THSD4: variants seen among roughly 807,000 people sequenced by gnomAD.
THSD4 encodes thrombospondin type 1 domain containing 4, also known as thrombospondin type-1 domain-containing protein 4.
THSD4 carries 69 observed loss-of-function variants against 119.0 expected under a neutral mutation model. That is an observed-to-expected ratio of 0.58 (90% confidence interval 0.48 to 0.71). The LOEUF (loss-of-function observed/expected upper bound fraction) is 0.71, where lower values mean the gene tolerates loss of function less well. Among genes scored for constraint, THSD4 ranks in the 30% least tolerant of loss-of-function variants. The probability of loss-of-function intolerance (pLI) is 0.00; values close to 1 mark genes in which losing one functional copy is unlikely to be tolerated. For synonymous variants in THSD4, 524 were observed against 540.4 expected (o/e 0.97, Z 0.42); for missense variants, 1,393 against 1,391.1 (o/e 1.00, Z -0.02).
intron 7 of THSD4, among the ~76,000 whole-genome samples, chr15:71,549,187 T>C (rs567045431): frequency 6.6e-6 from 1 of 152,236 alleles, no homozygotes; most frequent in African/African-American, 2.4e-5. Flanking sequence ...TTTTGTCTTA[T>C]GAGTTAAAAG....
At chr15:71,226,650 C>T (rs1043109121) in intron 4 of THSD4, among the ~76,000 whole-genome samples, 6 of 152,270 alleles carry the variant, frequency 3.9e-5, no homozygotes, top group African/African-American at 7.2e-5. Flanking sequence ...TGGGCCTCTT[C>T]GTGATGCTGG....
intron 6 of THSD4, among the ~76,000 whole-genome samples, chr15:71,324,309 TA>T (rs1190716564): frequency 2.0e-5 from 3 of 152,120 alleles, no homozygotes; most frequent in East Asian, 1.9e-4. Context: ...TTTTTAAAAA[TA>T]TTTTTTTATT....
intron 3 of THSD4, among the ~76,000 whole-genome samples, chr15:71,196,596 A>T (rs2043721733): frequency 6.6e-6 from 1 of 152,142 alleles, no homozygotes; most frequent in African/African-American, 2.4e-5. Context: ...GTATCATAGG[A>T]GGAGGTGCTC....
intron 7 of THSD4, among the ~76,000 whole-genome samples, chr15:71,585,598 A>G (rs969382283): frequency 4.6e-5 from 7 of 152,192 alleles, no homozygotes. Context: ...CTTGGGCATC[A>G]TGGACCTGGA....
chr15:71,258,932 G>T (rs2044355451), intron 6 of THSD4, among the ~76,000 whole-genome samples: 1 of 151,960 alleles, frequency 6.6e-6, no homozygotes, highest in Admixed American at 6.6e-5. Context: ...TGACCAACAT[G>T]GAGAACCCCG....
At chr15:71,167,840 T>C (rs1015861445) in intron 3 of THSD4, among the ~76,000 whole-genome samples, 1 of 152,222 alleles carries the variant, frequency 6.6e-6, no homozygotes, top group Non-Finnish European at 1.5e-5. Flanking sequence ...CTTTAGCATA[T>C]GGAAGCATTT....
chr15:71,562,382 A>AG (rs138866717), intron 7 of THSD4, among the ~76,000 whole-genome samples: 12,298 of 152,176 alleles, frequency 0.081, 1,688 homozygotes, highest in African/African-American at 0.28. Flanking sequence ...GGTGGTAGGA[A>AG]GGGAAGGGAA....
intron 6 of THSD4, among the ~76,000 whole-genome samples, chr15:71,370,522 T>C (rs1206926151): frequency 6.6e-6 from 1 of 152,178 alleles, no homozygotes; most frequent in Non-Finnish European, 1.5e-5. Flanking sequence ...TTTATTTCTG[T>C]CTTCATTTCA....
At chr15:71,449,212 T>C (rs541764726) in intron 7 of THSD4, among the ~76,000 whole-genome samples, 5 of 152,242 alleles carry the variant, frequency 3.3e-5, no homozygotes, top group African/African-American at 4.8e-5. Flanking sequence ...AAGGCTTATA[T>C]GTTGATTTGA....
intron 7 of THSD4, among the ~76,000 whole-genome samples, chr15:71,493,481 A>G (rs1172644319): frequency 1.3e-5 from 2 of 152,194 alleles, no homozygotes; most frequent in Non-Finnish European, 2.9e-5. Context: ...TGGAAAATGT[A>G]GCTATTATCC....
At chr15:71,305,629 T>C (rs1362019317) in intron 6 of THSD4, among the ~76,000 whole-genome samples, 1 of 152,218 alleles carries the variant, frequency 6.6e-6, no homozygotes, top group Non-Finnish European at 1.5e-5. Flanking sequence ...GAGATTGTTA[T>C]TGTAAACTGC....
intron 7 of THSD4, among the ~76,000 whole-genome samples, chr15:71,587,977 G>A (rs988758268): frequency 6.6e-6 from 1 of 151,876 alleles, no homozygotes; most frequent in Non-Finnish European, 1.5e-5. Flanking sequence ...TACTCTCCCT[G>A]TGGCATAGTT....
intron 7 of THSD4, among the ~76,000 whole-genome samples, chr15:71,423,198 G>A (rs1430173675): frequency 6.6e-6 from 1 of 152,116 alleles, no homozygotes; most frequent in Non-Finnish European, 1.5e-5. Context: ...GGCCAAACTG[G>A]TATCTAAGCT....
chr15:71,118,486 C>T lies in THSD4; in HGVS notation c.-80+2788C>T, dbSNP rs750352812. Among the ~76,000 whole-genome samples, 4 of 152,146 alleles carry T rather than the reference C, an allele frequency of 2.6e-5. No homozygotes were observed. In the East Asian group the frequency reaches 5.8e-4, roughly 22 times the overall value. ...CTCTATGTTCAGCCTGGATGAGCCT[C>T]GCCTCCCCAGCCACTCTGAGGTTTC... On this transcript the variant is annotated intron_variant, in intron 1 of 17. Coordinates refer to ENST00000261862, the MANE Select transcript of THSD4 (RefSeq NM_024817.3).
At chr15:71,461,034 T>C (rs2047422621) in intron 7 of THSD4, among the ~76,000 whole-genome samples, 1 of 152,206 alleles carries the variant, frequency 6.6e-6, no homozygotes. Context: ...ATAATAAACA[T>C]TTATCACCCC....
At chr15:71,693,796 C>T (rs1008522757) in intron 8 of THSD4, among the ~76,000 whole-genome samples, 34 of 152,164 alleles carry the variant, frequency 2.2e-4, no homozygotes, top group Admixed American at 6.5e-5. Context: ...TTTCACTTGG[C>T]TCCTACTCTC....
intron 8 of THSD4, among the ~76,000 whole-genome samples, chr15:71,693,252 C>G (rs1421570741): frequency 6.6e-6 from 1 of 152,142 alleles, no homozygotes; most frequent in Non-Finnish European, 1.5e-5. Context: ...CTGGGGTGAT[C>G]CATACATTCT....
At chr15:71,489,692 G>GT (rs1165324382) in intron 7 of THSD4, among the ~76,000 whole-genome samples, 1 of 152,096 alleles carries the variant, frequency 6.6e-6, no homozygotes, top group Non-Finnish European at 1.5e-5. Context: ...TTGTCTCCTG[G>GT]TTTTGCCAGA....
At chr15:71,645,077 A>G (rs1201690060) in intron 7 of THSD4, among the ~76,000 whole-genome samples, 3 of 152,138 alleles carry the variant, frequency 2.0e-5, no homozygotes, top group Non-Finnish European at 4.4e-5. Flanking sequence ...GCAGCCCTCA[A>G]TCATATACAG....
Sources: gnomAD v4.1 joint callset for allele counts (sites outside exome capture counted in the v4.1 genomes callset) on GRCh38, gnomAD v4.1.1 for gene constraint, MANE v1.5 for transcripts, NCBI Gene and HGNC (gene_info 2026-07-23, HGNC 2026-07-21) for gene names.